Variants in RBFOX1 observed in about 807,000 individuals in gnomAD.
The protein encoded by RBFOX1 is RNA binding fox-1 homolog 1.
A neutral mutation model predicts 57.7 loss-of-function variants in RBFOX1; 8 were observed. The observed-to-expected ratio is 0.14, with a 90% CI of 0.08 to 0.25. The LOEUF is 0.25. Among genes scored for constraint, RBFOX1 ranks in the 10% least tolerant of loss-of-function variants. RBFOX1 has a pLI of 1.00. For synonymous variants in RBFOX1, 326 were observed against 222.4 expected (o/e 1.47, Z -4.15); for missense variants, 611 against 548.5 (o/e 1.11, Z -1.14).
At chr16:5,988,106 C>G (rs1047606896) in intron 4 of RBFOX1, among the ~76,000 whole-genome samples, 3 of 152,140 alleles carry the variant, frequency 2.0e-5, no homozygotes, top group Non-Finnish European at 4.4e-5. Context: ...AAATTCAGAC[C>G]CGATTCAATT....
At chr16:7,503,089 A>G (rs12599917) in intron 4 of RBFOX1, among the ~76,000 whole-genome samples, 13,428 of 152,110 alleles carry the variant, frequency 0.088, 710 homozygotes, top group African/African-American at 0.15. Context: ...TCCTTGCACT[A>G]CTTTTTATCT....
intron 2 of RBFOX1, among the ~76,000 whole-genome samples, chr16:5,540,345 T>A (rs1206256408): frequency 1.3e-5 from 2 of 152,246 alleles, no homozygotes; most frequent in Non-Finnish European, 2.9e-5. Context: ...ACAGATTATG[T>A]ATACTATGAA....
intron 3 of RBFOX1, among the ~76,000 whole-genome samples, chr16:6,956,813 C>T (rs989805267): frequency 3.3e-5 from 5 of 152,124 alleles, no homozygotes; most frequent in African/African-American, 9.7e-5. Context: ...AGACAGAGAG[C>T]AGCTGGGGCT....
intron 2 of RBFOX1, among the ~76,000 whole-genome samples, chr16:6,637,244 T>A (rs180875093): frequency 9.0e-5 from 5 of 55,282 alleles, no homozygotes; most frequent in African/African-American, 4.9e-4. Context: ...TTATATATTA[T>A]ATATATTATA....
chr16:6,097,258 A>G lies in RBFOX1; in HGVS notation c.-127+77266A>G, dbSNP rs1283057005. Among the ~76,000 whole-genome samples, 1 of 152,180 alleles carries G rather than the reference A, an allele frequency of 6.6e-6. No homozygotes were observed. The highest frequency in any genetic ancestry group is 1.5e-5 in the Non-Finnish European group (1 of 68,046). On this transcript the variant is annotated intron_variant, in intron 1 of 15. Coordinates refer to ENST00000550418, the MANE Select transcript of RBFOX1 (RefSeq NM_018723.4). This position sits in a 1 kb window ranked among gnomAD's most constrained non-coding sequence, Gnocchi z 5.0. Reference sequence around the variant, plus strand: ...CCATTAAACTTCTTTTTGTTTATAAATTACTCAGTCTCATGTATGTCTTTA... The same window carrying G: ...CCATTAAACTTCTTTTTGTTTATAAGTTACTCAGTCTCATGTATGTCTTTA...
chr16:5,673,510 G>A (rs186351499), intron 3 of RBFOX1, among the ~76,000 whole-genome samples: 1 of 152,300 alleles, frequency 6.6e-6, no homozygotes, highest in African/African-American at 2.4e-5. Context: ...GCCTCAGCAG[G>A]GTCTCGCTTG....
At chr16:6,128,389 G>C (rs958226152) in intron 1 of RBFOX1, among the ~76,000 whole-genome samples, 3 of 152,168 alleles carry the variant, frequency 2.0e-5, no homozygotes, top group African/African-American at 7.2e-5. Context: ...TTGGTCCTCA[G>C]ACTGAAAGCA....
chr16:5,705,489 A>G (rs1190134366), intron 3 of RBFOX1, among the ~76,000 whole-genome samples: 1 of 152,160 alleles, frequency 6.6e-6, no homozygotes, highest in Non-Finnish European at 1.5e-5. Flanking sequence ...TTTCAAACTC[A>G]TGGGCTCAAG....
intron 2 of RBFOX1, among the ~76,000 whole-genome samples, chr16:6,585,095 T>A (rs561815896): frequency 6.6e-6 from 1 of 152,148 alleles, no homozygotes; most frequent in Non-Finnish European, 1.5e-5. Flanking sequence ...CTGTGCACTT[T>A]CATAATACAC....
At chr16:6,882,900 C>G (rs758891279) in intron 3 of RBFOX1, among the ~76,000 whole-genome samples, 7 of 152,112 alleles carry the variant, frequency 4.6e-5, no homozygotes, top group Non-Finnish European at 1.0e-4. Context: ...TTCCATTATA[C>G]TTACCAGGAG....
intron 1 of RBFOX1, among the ~76,000 whole-genome samples, chr16:6,055,930 A>C (rs1335224456): frequency 6.6e-6 from 1 of 152,188 alleles, no homozygotes; most frequent in East Asian, 1.9e-4. Flanking sequence ...CTTGATGAGC[A>C]CTTAGGTTAT....
chr16:5,295,301 C>G (rs1375123655), intron 1 of RBFOX1, among the ~76,000 whole-genome samples: 1 of 152,124 alleles, frequency 6.6e-6, no homozygotes, highest in Non-Finnish European at 1.5e-5. Context: ...CTGCATTTCC[C>G]TCAGTAATGT....
rs2142462496 is a variant in RBFOX1, at chr16:6,859,596, T to G, written c.-15-192461T>G. Among the ~76,000 whole-genome samples the G allele has an allele frequency of 2.6e-5, 4 of 152,174 alleles. No homozygotes were observed. The South Asian group carries it at 8.3e-4, about 32-fold the overall frequency. The stretch of plus-strand genomic sequence containing the variant: ...TGAGCCACACTTTGTAGAAAATGCT[T>G]CAGAGATCTTCCTGCCGCCTCTCTG... On this transcript the variant is annotated intron_variant, in intron 3 of 15. Transcript: ENST00000550418.
chr16:6,819,980 C>T (rs568667897), intron 3 of RBFOX1, among the ~76,000 whole-genome samples: 1 of 152,164 alleles, frequency 6.6e-6, no homozygotes, highest in South Asian at 2.1e-4. Context: ...GTGTCCCCAC[C>T]CAAATCACAT....
At chr16:6,061,565 ATACAC>A (rs1332904498) in intron 1 of RBFOX1, among the ~76,000 whole-genome samples, 1 of 151,620 alleles carries the variant, frequency 6.6e-6, no homozygotes, top group East Asian at 1.9e-4. Context: ...TGATTATACT[ATACAC>A]TATAGTATAT....
intron 2 of RBFOX1, among the ~76,000 whole-genome samples, chr16:6,481,305 G>C (rs1456238526): frequency 1.3e-5 from 2 of 152,310 alleles, no homozygotes; most frequent in African/African-American, 4.8e-5. Context: ...CTGCAGACAT[G>C]GTTTTAACTG....
chr16:6,883,454 T>C (rs2063354840), intron 3 of RBFOX1, among the ~76,000 whole-genome samples: 1 of 152,210 alleles, frequency 6.6e-6, no homozygotes, highest in Non-Finnish European at 1.5e-5. Context: ...AAGATTTTAT[T>C]TGATTGCACT....
At chr16:6,460,610 G>C (rs1228932114) in intron 2 of RBFOX1, among the ~76,000 whole-genome samples, 3 of 152,126 alleles carry the variant, frequency 2.0e-5, no homozygotes, top group East Asian at 1.9e-4. Context: ...ATGCTGGTGA[G>C]CTTGTAGATA....
chr16:6,135,736 G>A lies in RBFOX1; in HGVS notation c.-127+115744G>A, dbSNP rs140126867. On this transcript the variant is annotated intron_variant, in intron 1 of 15. Coordinates refer to ENST00000550418, the MANE Select transcript of RBFOX1 (RefSeq NM_018723.4). ...TAGATTTAAACAACAAAAATCTCAAGTGTGGCTGAAGGTGGCAGGGGAATT... is the reference window on the plus strand; with the variant it reads ...TAGATTTAAACAACAAAAATCTCAAATGTGGCTGAAGGTGGCAGGGGAATT... Among the ~76,000 whole-genome samples, 104 of 150,600 alleles carry A rather than the reference G, an allele frequency of 6.9e-4. 1 individual carries two copies. Among genetic ancestry groups the A allele is most frequent in the African/African-American group, 2.2e-3 (88 of 40,894 alleles).
Sources: allele counts gnomAD v4.1 joint callset (sites outside exome capture counted in the v4.1 genomes callset), GRCh38; gene constraint gnomAD v4.1.1; non-coding constraint Gnocchi (gnomAD v3.1); transcripts MANE v1.5; gene names NCBI Gene and HGNC (gene_info 2026-07-23, HGNC 2026-07-21).